DOCK1: variants seen among roughly 807,000 people sequenced by gnomAD.
DOCK1 encodes dedicator of cytokinesis 1.
Under a neutral mutation model 262.7 loss-of-function variants are expected in DOCK1, and 138 were observed. That is an observed-to-expected ratio of 0.53 (90% CI 0.46 to 0.61). The LOEUF (loss-of-function observed/expected upper bound fraction) is 0.61. Ranked by LOEUF, DOCK1 falls within the 20% of genes least tolerant of loss-of-function variation. The probability of loss-of-function intolerance (pLI) is 0.00; values close to 1 mark genes in which losing one functional copy is unlikely to be tolerated. For missense variants in DOCK1, 1,908 were observed against 2,370.7 expected (o/e 0.80, Z 4.05); for synonymous variants, 866 against 867.4 (o/e 1.00, Z 0.03).
chr10:127,320,768 G>T (rs760679866), intron 29 of DOCK1, among the ~76,000 whole-genome samples: 3 of 152,136 alleles, frequency 2.0e-5, no homozygotes, highest in Non-Finnish European at 4.4e-5. Context: ...GGTGTGGCAG[G>T]TGTAGAATGG....
chr10:127,334,768 T>C (rs750808160), intron 29 of DOCK1, among the ~76,000 whole-genome samples: 17 of 152,150 alleles, frequency 1.1e-4, no homozygotes, highest in Non-Finnish European at 2.1e-4. Context: ...TCTCACAGCA[T>C]TTGTTATTGT....
intron 22 of DOCK1, among the ~76,000 whole-genome samples, chr10:127,057,906 T>G (rs898935232): frequency 6.6e-6 from 1 of 152,230 alleles, no homozygotes; most frequent in Non-Finnish European, 1.5e-5. Flanking sequence ...TCCTTGTTAA[T>G]GAACACTTAT....
intron 1 of DOCK1, among the ~76,000 whole-genome samples, chr10:126,957,994 A>C (rs1241259117): frequency 2.0e-5 from 3 of 152,216 alleles, no homozygotes; most frequent in African/African-American, 7.2e-5. Flanking sequence ...GTGTATTTGA[A>C]GTTTAAGCAT....
chr10:127,131,121 C>G (rs1229929449), intron 27 of DOCK1, among the ~76,000 whole-genome samples: 1 of 152,144 alleles, frequency 6.6e-6, no homozygotes, highest in African/African-American at 2.4e-5. Context: ...CAGGAAGAAG[C>G]CTTGCATGTT....
rs1467857887 is a variant in DOCK1 at position 127,175,619 on chromosome 10, A to G, written c.2847+47855A>G. 6.2e-7 allele frequency: 1 copy of G among 1,613,094 alleles called. No homozygotes were observed. The highest frequency in any genetic ancestry group is 8.5e-7 in the Non-Finnish European group (1 of 1,179,932). ...GCTCGGGGGCCCTGGCACTGAGGGCAGGTGCGTAAACGGTGGCAACCTCCG... is the reference window on the plus strand; with the variant it reads ...GCTCGGGGGCCCTGGCACTGAGGGCGGGTGCGTAAACGGTGGCAACCTCCG... On this transcript the variant is annotated intron_variant, in intron 27 of 51. Coordinates refer to ENST00000623213, the MANE Select transcript of DOCK1 (RefSeq NM_001290223.2). This position sits in a 1 kb window ranked among gnomAD's most constrained non-coding sequence, Gnocchi z 6.3.
chr10:127,066,310 C>T (rs1591874785), intron 23 of DOCK1, among the ~76,000 whole-genome samples: 1 of 152,280 alleles, frequency 6.6e-6, no homozygotes, highest in South Asian at 2.1e-4. Flanking sequence ...TCATGAACCA[C>T]TGGGCTTGCT....
chr10:127,373,702 TTA>T, intron 33 of DOCK1, 77 bp from the exon 34 acceptor site: 1 of 1,329,156 alleles, frequency 7.5e-7, no homozygotes, highest in Non-Finnish European at 1.1e-6. Context: ...TCTTGCCGAT[TTA>T]TGTTCTATTG....
At chr10:126,969,915 C>T (rs541193733) in intron 1 of DOCK1, among the ~76,000 whole-genome samples, 102 of 152,200 alleles carry the variant, frequency 6.7e-4, no homozygotes, top group Middle Eastern at 3.4e-3. Flanking sequence ...AGCTTTGATC[C>T]GCGATTTTGA....
chr10:127,246,932 G>T (rs187617049), intron 27 of DOCK1, among the ~76,000 whole-genome samples: 2 of 152,162 alleles, frequency 1.3e-5, no homozygotes, highest in African/African-American at 4.8e-5. Flanking sequence ...TACCAAACTT[G>T]TACTGGCTTA....
At chr10:127,367,587 G>A (rs186601560) in intron 33 of DOCK1, among the ~76,000 whole-genome samples, 18 of 152,264 alleles carry the variant, frequency 1.2e-4, no homozygotes, top group Admixed American at 6.5e-4. Flanking sequence ...GTGAAGTGTC[G>A]TGTTCTGCAG....
chr10:127,145,702 G>C (rs911450902), intron 27 of DOCK1, among the ~76,000 whole-genome samples: 1 of 152,158 alleles, frequency 6.6e-6, no homozygotes, highest in Non-Finnish European at 1.5e-5. Flanking sequence ...TTGGTGTGAA[G>C]GCTACAAAGC....
rs2036959851 is a variant in DOCK1 at position 126,958,823 on chromosome 10, A to G, written c.47-11879A>G. Among the ~76,000 whole-genome samples the G allele has an allele frequency of 2.0e-5, 3 of 152,346 alleles. No individual in the cohort carries two copies. The South Asian group carries it at 6.2e-4, about 32-fold the overall frequency. On this transcript the variant is annotated intron_variant, in intron 1 of 51. Transcript: ENST00000623213. ...ACTGCTGAGTGTTTTTGTGTCAAAA[A>G]GAGTCGAACTCTGTGAAATATTTGA...
rs192861563 is a variant in DOCK1, at chr10:127,257,979, C to T, written c.3044+550C>T. 2.2e-4 allele frequency among the ~76,000 whole-genome samples: 33 copies of T among 152,236 alleles called. No homozygotes were observed. The East Asian group carries it at 5.4e-3, about 25-fold the overall frequency. The stretch of plus-strand genomic sequence containing the variant: ...ACAATGACCATAGAATTCTCAATCA[C>T]GTGGGATTTTTAAAAAGAACTTTCT... On this transcript the variant is annotated intron_variant, in intron 29 of 51. Transcript: ENST00000623213.
intron 30 of DOCK1, among the ~76,000 whole-genome samples, chr10:127,342,517 A>G (rs986298171): frequency 6.6e-6 from 1 of 152,198 alleles, no homozygotes; most frequent in Non-Finnish European, 1.5e-5. Flanking sequence ...GAGCTGGTGT[A>G]TTACTATAGA....
intron 1 of DOCK1, among the ~76,000 whole-genome samples, chr10:126,956,751 G>A (rs917199718): frequency 0.018 from 2,818 of 152,324 alleles, 28 homozygotes; most frequent in Non-Finnish European, 0.029. Flanking sequence ...CACAGAGTTT[G>A]TGTTGCTTGT....
At chr10:127,157,029 T>G (rs769495679) in intron 27 of DOCK1, among the ~76,000 whole-genome samples, 3 of 152,240 alleles carry the variant, frequency 2.0e-5, no homozygotes, top group Admixed American at 6.5e-5. Context: ...GCGAATAAGA[T>G]GGAGTCCTTG....
At chr10:127,188,964 C>T (rs980143231) in intron 27 of DOCK1, among the ~76,000 whole-genome samples, 4 of 152,172 alleles carry the variant, frequency 2.6e-5, no homozygotes, top group African/African-American at 9.7e-5. Flanking sequence ...GAGCCTGTTA[C>T]CGCACCACCA....
intron 18 of DOCK1, among the ~76,000 whole-genome samples, chr10:127,032,932 C>G (rs749899004): frequency 8.5e-5 from 13 of 152,166 alleles, no homozygotes; most frequent in Non-Finnish European, 1.8e-4. Context: ...GGTAGCGTGA[C>G]ATAAAGGAAA....
At chr10:127,352,570 C>T (rs534859316) in intron 31 of DOCK1, among the ~76,000 whole-genome samples, 1 of 152,258 alleles carries the variant, frequency 6.6e-6, no homozygotes, top group African/African-American at 2.4e-5. Context: ...GGCACAGACA[C>T]TGATGAAGTT....
Sources: allele counts gnomAD v4.1 joint callset (sites outside exome capture counted in the v4.1 genomes callset), GRCh38; gene constraint gnomAD v4.1.1; non-coding constraint Gnocchi (gnomAD v3.1); transcripts MANE v1.5; gene names NCBI Gene and HGNC (gene_info 2026-07-23, HGNC 2026-07-21).